AGPAT4: variants seen among roughly 807,000 people sequenced by gnomAD.
The protein encoded by AGPAT4 is 1-acylglycerol-3-phosphate O-acyltransferase 4.
Under a neutral mutation model 48.0 loss-of-function variants are expected in AGPAT4, and 15 were observed. That is an observed-to-expected ratio of 0.31 (90% confidence interval 0.21 to 0.48). The LOEUF is 0.48. Ranked by LOEUF, AGPAT4 falls within the 20% of genes least tolerant of loss-of-function variation. The probability of loss-of-function intolerance (pLI) is 0.99; values close to 1 mark genes in which losing one functional copy is unlikely to be tolerated. For synonymous variants in AGPAT4, 178 were observed against 198.7 expected, an observed-to-expected ratio of 0.90 and a Z score of 0.88; for missense variants, 314 against 482.5, an observed-to-expected ratio of 0.65 and a Z score of 3.27.
intron 2 of AGPAT4, among the ~76,000 whole-genome samples, chr6:161,188,388 T>C (rs1780829439): frequency 6.6e-6 from 1 of 152,220 alleles, no homozygotes; most frequent in East Asian, 1.9e-4. Context: ...TTGTGATAAA[T>C]TAGGTCACCA....
In AGPAT4 at chr6:161,219,916, C is replaced by CGGCAGGCAGGCA. The variant is rs71558034; in HGVS notation, c.178+12108_178+12119dup. 9.7e-4 allele frequency among the ~76,000 whole-genome samples: 103 copies of CGGCAGGCAGGCA among 106,024 alleles called. 2 individuals carry two copies. The highest frequency in any genetic ancestry group is 3.7e-3 in the Admixed American group (40 of 10,802). The allele number at this position is 106,024 out of a possible 152,430, so 69.6% of individuals were successfully genotyped here. On this transcript the variant is annotated intron_variant, in intron 2 of 8. Coordinates refer to ENST00000320285, the MANE Select transcript of AGPAT4 (RefSeq NM_020133.3). This position sits in a 1 kb window ranked among gnomAD's most constrained non-coding sequence, Gnocchi z 4.9. ...GCAGGCAGGCAGGCAGGCAGGCAGGCGGCAGGCAGGCAGGCAGGCAGGCAG... is the reference window on the plus strand; with the variant it reads ...GCAGGCAGGCAGGCAGGCAGGCAGGCGGCAGGCAGGCAGGCAGGCAGGCAGGCAGGCAGGCAG...
intron 2 of AGPAT4, among the ~76,000 whole-genome samples, chr6:161,211,630 A>T (rs4709503): frequency 0.12 from 18,345 of 151,900 alleles, 1,589 homozygotes; most frequent in East Asian, 0.27. Flanking sequence ...AGAGATTTTT[A>T]AAAAAAACGT....
At chr6:161,199,924 T>C (rs1049659154) in intron 2 of AGPAT4, among the ~76,000 whole-genome samples, 1 of 152,154 alleles carries the variant, frequency 6.6e-6, no homozygotes, top group African/African-American at 2.4e-5. Flanking sequence ...TAAAGCAGCT[T>C]GACATCAATG....
chr6:161,257,335 A>G (rs1300995843), intron 1 of AGPAT4, among the ~76,000 whole-genome samples: 2 of 152,198 alleles, frequency 1.3e-5, no homozygotes, highest in African/African-American at 2.4e-5. Flanking sequence ...AGAACAATAC[A>G]TAGTGAATTA....
chr6:161,243,047 A>G lies in AGPAT4; in HGVS notation c.-89-10745T>C, dbSNP rs919567822. On this transcript the variant is annotated intron_variant, in intron 1 of 8. Transcript: ENST00000320285. The surrounding 1 kb of genome is among the most constrained non-coding windows in gnomAD (Gnocchi z 4.8). ...CACTGCACTCCAGCTTGGGCGACAG[A>G]GCCAGACTCTGTCTCAAAAAAATTT... 3.9e-5 allele frequency among the ~76,000 whole-genome samples: 6 copies of G among 152,316 alleles called. No homozygotes were observed. The highest frequency in any genetic ancestry group is 3.4e-3 in the Middle Eastern group (1 of 294).
At position 161,130,879 on chromosome 6, in the gene AGPAT4, TAC is replaced by T. The variant is rs770908746; in HGVS notation, c.*5659_*5660del. 3.9e-6 allele frequency: 2 copies of T among 519,060 alleles called. No individual in the cohort carries two copies. The highest frequency in any genetic ancestry group is 7.7e-6 in the Non-Finnish European group (2 of 259,876). 32.2% of individuals were successfully genotyped at this position (519,060 alleles called of 1,614,324 possible). On this transcript the variant is annotated 3_prime_UTR_variant, in exon 9 of 9. Transcript: ENST00000320285. Reference sequence around the variant, plus strand: ...TTTCCTTCCTCATGATCTGCAAAGATACAGAGAGAATGGCATTCCAAAATTCC... The same window carrying T: ...TTTCCTTCCTCATGATCTGCAAAGATAGAGAGAATGGCATTCCAAAATTCC...
chr6:161,177,929 T>C lies in AGPAT4; in HGVS notation c.179-11512A>G, dbSNP rs540617981. On this transcript the variant is annotated intron_variant, in intron 2 of 8. Coordinates refer to ENST00000320285, the MANE Select transcript of AGPAT4 (RefSeq NM_020133.3). This position sits in a 1 kb window ranked among gnomAD's most constrained non-coding sequence, Gnocchi z 5.0. ...TGCTGGAAGTCCACTCCAGTCCTGT[T>C]TATCTGGGTATCACCAGTGGAGGCT... Among the ~76,000 whole-genome samples, 57 of 152,324 alleles carry C rather than the reference T, an allele frequency of 3.7e-4. 1 individual carries two copies. The highest frequency in any genetic ancestry group is 6.2e-4 in the South Asian group (3 of 4,828).
At chr6:161,253,012 G>A (rs187484463) in intron 1 of AGPAT4, among the ~76,000 whole-genome samples, 135 of 151,748 alleles carry the variant, frequency 8.9e-4, no homozygotes, top group African/African-American at 3.1e-3. Flanking sequence ...TCAGGAGATC[G>A]AGACCATCCT....
intron 1 of AGPAT4, among the ~76,000 whole-genome samples, chr6:161,269,127 G>A (rs879423446): frequency 6.6e-6 from 1 of 152,132 alleles, no homozygotes; most frequent in African/African-American, 2.4e-5. Flanking sequence ...GAGTCGATGT[G>A]GGGGGAGCTG....
rs1474007539 is a variant in AGPAT4 at position 161,195,013 on chromosome 6, T to G, written c.179-28596A>C. The stretch of plus-strand genomic sequence containing the variant: ...ACCTTACTTGCCCCGGGAGAAGCTT[T>G]GGCCACCACCTTCCAAGTCCTTGCT... On this transcript the variant is annotated intron_variant, in intron 2 of 8. Transcript: ENST00000320285. The surrounding 1 kb of genome is among the most constrained non-coding windows in gnomAD (Gnocchi z 5.0). Among the ~76,000 whole-genome samples the G allele has an allele frequency of 2.6e-5, 4 of 152,224 alleles. No homozygotes were observed. Among genetic ancestry groups the G allele is most frequent in the Non-Finnish European group, 5.9e-5 (4 of 68,044 alleles).
Position 161,136,229 on chromosome 6 carries a change from G to T in AGPAT4, c.*311C>A. ...CTTGTCCCCTTCGGTCCCCAGCCCT[G>T]CCCTCCCCTGCAGCCTAAAATACCC... On this transcript the variant is annotated 3_prime_UTR_variant, in exon 9 of 9. Transcript: ENST00000320285. 1 of 324,734 alleles carries T rather than the reference G, an allele frequency of 3.1e-6. No individual in the cohort carries two copies. Among genetic ancestry groups the T allele is most frequent in the Non-Finnish European group, 5.8e-6 (1 of 173,506 alleles). The allele number at this position is 324,734 out of a possible 1,614,324, so 20.1% of individuals were successfully genotyped here.
At chr6:161,179,281 C>CACA (rs991358169) in intron 2 of AGPAT4, among the ~76,000 whole-genome samples, 2 of 152,146 alleles carry the variant, frequency 1.3e-5, no homozygotes, top group Non-Finnish European at 2.9e-5. Flanking sequence ...TGAATCCAGA[C>CACA]ACAAGGGCCC....
Position 161,218,128 on chromosome 6 carries a change from T to C in AGPAT4, c.178+13908A>G, listed in dbSNP as rs1781707259. ...AGAACCACATGCCCTGGGGTGGACA[T>C]ACAACCTGCACAAGATGACTGTAGC... is the stretch of plus-strand genomic sequence containing the variant. On this transcript the variant is annotated intron_variant, in intron 2 of 8. Transcript: ENST00000320285. The surrounding 1 kb of genome is among the most constrained non-coding windows in gnomAD (Gnocchi z 4.7). Among the ~76,000 whole-genome samples the C allele has an allele frequency of 6.6e-6, 1 of 152,186 alleles. No homozygotes were observed.
rs1320368235 is a variant in AGPAT4 at position 161,212,846 on chromosome 6, T to C, written c.178+19190A>G. On this transcript the variant is annotated intron_variant, in intron 2 of 8. Transcript: ENST00000320285. This position sits in a 1 kb window ranked among gnomAD's most constrained non-coding sequence, Gnocchi z 6.1. ...TAAATGCAGGTTTCTGATAACTAAC[T>C]TATAACAATACAGTTATTTGCATAA... Among the ~76,000 whole-genome samples the C allele has an allele frequency of 6.6e-6, 1 of 152,226 alleles. No homozygotes were observed. The highest frequency in any genetic ancestry group is 1.5e-5 in the Non-Finnish European group (1 of 68,046).
chr6:161,233,693 C>T lies in AGPAT4; in HGVS notation c.-89-1391G>A, dbSNP rs143541616. On this transcript the variant is annotated intron_variant, in intron 1 of 8. Transcript: ENST00000320285. The surrounding 1 kb of genome is among the most constrained non-coding windows in gnomAD (Gnocchi z 5.4). ...ATGATTTGGCCTAACTGTAGGCTAA[C>T]GTAAATGTGCTGAACATGTTTAAGG... Among the ~76,000 whole-genome samples the T allele has an allele frequency of 1.8e-4, 27 of 152,310 alleles. No homozygotes were observed. The highest frequency in any genetic ancestry group is 3.5e-4 in the Non-Finnish European group (24 of 68,030).
rs938347041 is a variant in AGPAT4, at chr6:161,195,862, C to T, written c.179-29445G>A. ...GCCAGCAGGCAGGCTGATTGTCTAG[C>T]GTTGGCATTAGGGCAAGTCTTGAAT... On this transcript the variant is annotated intron_variant, in intron 2 of 8. Coordinates refer to ENST00000320285, the MANE Select transcript of AGPAT4 (RefSeq NM_020133.3). The surrounding 1 kb of genome is among the most constrained non-coding windows in gnomAD (Gnocchi z 5.0). 5.9e-5 allele frequency among the ~76,000 whole-genome samples: 9 copies of T among 152,198 alleles called. No individual in the cohort carries two copies. Among genetic ancestry groups the T allele is most frequent in the Non-Finnish European group, 8.8e-5 (6 of 68,046 alleles).
At chr6:161,271,099 A>G (rs1783409426) in intron 1 of AGPAT4, among the ~76,000 whole-genome samples, 2 of 152,202 alleles carry the variant, frequency 1.3e-5, no homozygotes, top group Non-Finnish European at 1.5e-5. Context: ...TTTTCTGATT[A>G]AGAAAAACTT....
At position 161,151,453 on chromosome 6, in the gene AGPAT4, G is replaced by A. The variant is rs113671901; in HGVS notation, c.664+1893C>T. On this transcript the variant is annotated intron_variant, in intron 5 of 8. Coordinates refer to ENST00000320285, the MANE Select transcript of AGPAT4 (RefSeq NM_020133.3). ...TGAGGCAAAGCTCAGTTAGGGAGCC[G>A]CGCTGGCCCAACCCAGAGGGGATGG... Among the ~76,000 whole-genome samples, 418 of 152,336 alleles carry A rather than the reference G, an allele frequency of 2.7e-3. 1 individual carries two copies. The highest frequency in any genetic ancestry group is 9.4e-3 in the African/African-American group (392 of 41,584).
rs912173833 is a variant in AGPAT4, at chr6:161,221,862, G to A, written c.178+10174C>T. 1.1e-4 allele frequency among the ~76,000 whole-genome samples: 16 copies of A among 152,196 alleles called. No homozygotes were observed. Among genetic ancestry groups the A allele is most frequent in the Admixed American group, 6.5e-4 (10 of 15,288 alleles). On this transcript the variant is annotated intron_variant, in intron 2 of 8. Coordinates refer to ENST00000320285, the MANE Select transcript of AGPAT4 (RefSeq NM_020133.3). The surrounding 1 kb of genome is among the most constrained non-coding windows in gnomAD (Gnocchi z 4.5). ...CTCTGTGTCCACATTTTATAAAGAC[G>A]CAGTCTTGTGGGATTAGGGCATACC...
Sources: gnomAD v4.1 joint callset for allele counts (sites outside exome capture counted in the v4.1 genomes callset) on GRCh38, gnomAD v4.1.1 for gene constraint, Gnocchi (gnomAD v3.1) non-coding constraint, MANE v1.5 for transcripts, NCBI Gene and HGNC (gene_info 2026-07-23, HGNC 2026-07-21) for gene names.